VPS13A: variants seen among roughly 807,000 people sequenced by gnomAD.
VPS13A encodes vacuolar protein sorting 13 homolog A, also known as intermembrane lipid transfer protein VPS13A.
In VPS13A, 264 loss-of-function variants were observed where a neutral mutation model predicts 390.9. The observed-to-expected ratio is 0.68, with a 90% CI of 0.61 to 0.75. VPS13A has a LOEUF of 0.75. VPS13A is among the 30% of genes least tolerant of loss of function. The pLI is 0.00. For synonymous variants in VPS13A, 1,231 were observed against 1,227.1 expected (o/e 1.00, Z -0.07); for missense variants, 3,409 against 3,733.9 (o/e 0.91, Z 2.27).
intron 19 of VPS13A, among the ~76,000 whole-genome samples, chr9:77,241,368 T>C (rs574219185): frequency 6.6e-6 from 1 of 152,268 alleles, no homozygotes; most frequent in African/African-American, 2.4e-5. Flanking sequence ...TTCTGTTTTG[T>C]TAAATTTAAA....
At chr9:77,225,885 T>G (rs769246339) in intron 13 of VPS13A, 41 bp from the exon 14 acceptor site, 1 of 1,499,552 alleles carries the variant, frequency 6.7e-7, no homozygotes, top group South Asian at 1.1e-5. Flanking sequence ...TATGTAAAGT[T>G]ATTTTTGTAA....
At chr9:77,180,735 AGT>A (rs1823962379) in intron 1 of VPS13A, among the ~76,000 whole-genome samples, 1 of 152,236 alleles carries the variant, frequency 6.6e-6, no homozygotes, top group African/African-American at 2.4e-5. Context: ...AAAAAAAATC[AGT>A]AGACTTAATA....
intron 58 of VPS13A, 104 bp downstream of exon 58, chr9:77,359,506 A>ATATGAATTGTTTGTACTCTTT: frequency 2.8e-6 from 3 of 1,060,264 alleles, no homozygotes; most frequent in Non-Finnish European, 4.2e-6. Context: ...ATTTAAGCAT[A>ATATGAATTGTTTGTACTCTTT]AAATATTAAT....
chr9:77,365,679 A>G lies in VPS13A; in HGVS notation c.8325+106A>G, dbSNP rs78677108. 1.5e-3 allele frequency: 1,053 copies of G among 693,198 alleles called. 9 individuals carry two copies. In the African/African-American group the frequency reaches 0.017, roughly 11 times the overall value. 42.9% of individuals were successfully genotyped at this position (693,198 alleles called of 1,614,324 possible). Reference sequence around the variant, plus strand: ...AATATATAAAATCTGTAAATATACAATTAAACTAAGTAACAAAGGAATTAC... The same window carrying G: ...AATATATAAAATCTGTAAATATACAGTTAAACTAAGTAACAAAGGAATTAC... On this transcript the variant is annotated intron_variant, in intron 60 of 71. Transcript: ENST00000360280.
At chr9:77,312,008 CAG>C (rs1447627044) in intron 35 of VPS13A, among the ~76,000 whole-genome samples, 2 of 152,010 alleles carry the variant, frequency 1.3e-5, no homozygotes, top group Admixed American at 1.3e-4. Flanking sequence ...GCAACTAAAA[CAG>C]TGGTGAAAGA....
chr9:77,274,444 A>G (rs1397936197), intron 24 of VPS13A, among the ~76,000 whole-genome samples: 2 of 151,834 alleles, frequency 1.3e-5, no homozygotes, highest in Non-Finnish European at 2.9e-5. Context: ...AAAAAAAAAA[A>G]AATGACAGGG....
intron 22 of VPS13A, among the ~76,000 whole-genome samples, chr9:77,254,282 A>G (rs1259120017): frequency 6.6e-6 from 1 of 151,958 alleles, no homozygotes; most frequent in East Asian, 1.9e-4. Flanking sequence ...CCTCTATACA[A>G]TTTGTTGAAA....
intron 19 of VPS13A, 47 bp downstream of exon 19, chr9:77,238,433 T>A: frequency 7.4e-7 from 1 of 1,342,878 alleles, no homozygotes; most frequent in South Asian, 1.2e-5. Flanking sequence ...GTATCCTATA[T>A]TAAACTTTTA....
intron 68 of VPS13A, among the ~76,000 whole-genome samples, chr9:77,399,628 C>T (rs1183429842): frequency 6.6e-6 from 1 of 152,148 alleles, no homozygotes; most frequent in African/African-American, 2.4e-5. Flanking sequence ...TTTTAAACTT[C>T]GCCATATGGA....
chr9:77,370,335 A>G lies in VPS13A; in HGVS notation c.8743+3A>G. On this transcript the variant is annotated splice_donor_region_variant and intron_variant, in intron 64 of 71. Coordinates refer to ENST00000360280, the MANE Select transcript of VPS13A (RefSeq NM_033305.3). ...GGCACTAGTTGGTGGAGCTGTTGGTAAGAAACAGAATATCTACCAAGTATT... is the reference window on the plus strand; with the variant it reads ...GGCACTAGTTGGTGGAGCTGTTGGTGAGAAACAGAATATCTACCAAGTATT... 6.2e-7 allele frequency: 1 copy of G among 1,614,162 alleles called. No homozygotes were observed. The highest frequency in any genetic ancestry group is 8.5e-7 in the Non-Finnish European group (1 of 1,180,006).
At chr9:77,370,083 G>A (rs142443212) in intron 63 of VPS13A, among the ~76,000 whole-genome samples, 174 bp from the exon 64 acceptor site, 105 of 152,202 alleles carry the variant, frequency 6.9e-4, no homozygotes, top group African/African-American at 2.5e-3. Flanking sequence ...CACTTTCAGC[G>A]TCCAGAAATA....
At chr9:77,411,006 C>A (rs1420269861) in intron 71 of VPS13A, among the ~76,000 whole-genome samples, 1 of 152,208 alleles carries the variant, frequency 6.6e-6, no homozygotes, top group Non-Finnish European at 1.5e-5. Flanking sequence ...CACCACACTG[C>A]ACTTATTCCA....
chr9:77,282,095 T>G, intron 28 of VPS13A, 26 bp from the exon 29 acceptor site: 1 of 1,610,742 alleles, frequency 6.2e-7, no homozygotes, highest in Non-Finnish European at 8.5e-7. Flanking sequence ...TATTGACCTA[T>G]CACTAAAATC....
intron 67 of VPS13A, among the ~76,000 whole-genome samples, chr9:77,374,722 A>T (rs1832977868): frequency 6.6e-6 from 1 of 152,096 alleles, no homozygotes; most frequent in Non-Finnish European, 1.5e-5. Flanking sequence ...ATTGTTTTTT[A>T]CTCCAAATGA....
intron 33 of VPS13A, among the ~76,000 whole-genome samples, chr9:77,299,245 C>G (rs532633194): frequency 1.3e-4 from 20 of 152,234 alleles, no homozygotes; most frequent in African/African-American, 4.6e-4. Context: ...TATACGGGCT[C>G]TTTTTTGGTT....
chr9:77,207,249 A>ATATATATG (rs1554859996), intron 5 of VPS13A, among the ~76,000 whole-genome samples: 3 of 113,418 alleles, frequency 2.6e-5, no homozygotes, highest in Admixed American at 8.7e-5. Context: ...ATATATATAT[A>ATATATATG]TATAAAACGT....
At chr9:77,252,928 T>A (rs1157146399) in intron 22 of VPS13A, among the ~76,000 whole-genome samples, 3 of 152,216 alleles carry the variant, frequency 2.0e-5, no homozygotes, top group Admixed American at 6.5e-5. Context: ...GTTTGGCTGT[T>A]GTAATAATGC....
At chr9:77,414,783 G>C (rs1002868480) in intron 71 of VPS13A, among the ~76,000 whole-genome samples, 2 of 134,002 alleles carry the variant, frequency 1.5e-5, no homozygotes, top group African/African-American at 5.5e-5. Flanking sequence ...CTTAGAGTAA[G>C]AGGACATTTC....
intron 68 of VPS13A, among the ~76,000 whole-genome samples, chr9:77,400,490 G>A (rs948229799): frequency 1.3e-5 from 2 of 151,758 alleles, no homozygotes; most frequent in African/African-American, 4.8e-5. Flanking sequence ...TTTTTATGTT[G>A]TGTTTTATGG....
Sources: gnomAD v4.1 joint callset for allele counts (sites outside exome capture counted in the v4.1 genomes callset) on GRCh38, gnomAD v4.1.1 for gene constraint, MANE v1.5 for transcripts, NCBI Gene and HGNC (gene_info 2026-07-23, HGNC 2026-07-21) for gene names.